Variants in NEGR1 observed in about 807,000 individuals in gnomAD.
The protein encoded by NEGR1 is neuronal growth regulator 1.
NEGR1 carries 10 observed loss-of-function variants against 40.9 expected under a neutral mutation model. The ratio of observed to expected loss-of-function variants is 0.24; its 90% CI spans 0.15 to 0.42. The LOEUF (loss-of-function observed/expected upper bound fraction) is 0.42, where lower values mean the gene tolerates loss of function less well. NEGR1 is among the 10% of genes least tolerant of loss of function. NEGR1 has a pLI of 1.00. For synonymous variants in NEGR1, 185 were observed against 166.8 expected, an observed-to-expected ratio of 1.11 and a Z score of -0.84; for missense variants, 352 against 438.9, an observed-to-expected ratio of 0.80 and a Z score of 1.77.
chr1:71,795,309 A>C (rs547288585), intron 2 of NEGR1, among the ~76,000 whole-genome samples: 1 of 152,124 alleles, frequency 6.6e-6, no homozygotes, highest in Non-Finnish European at 1.5e-5. Context: ...CTCCCAGATT[A>C]ACTAAATAAA....
intron 1 of NEGR1, among the ~76,000 whole-genome samples, chr1:72,248,575 T>TTTTTTATTATTATTATTA (rs376504975): frequency 7.5e-6 from 1 of 132,962 alleles, no homozygotes; most frequent in Non-Finnish European, 1.6e-5. Flanking sequence ...TCTATTTTTA[T>TTTTTTATTATTATTATTA]TTATTATTAT....
intron 2 of NEGR1, among the ~76,000 whole-genome samples, chr1:71,840,561 A>C (rs769213185): frequency 2.6e-5 from 4 of 152,052 alleles, no homozygotes; most frequent in Non-Finnish European, 4.4e-5. Flanking sequence ...TCTTAGCTTA[A>C]TTTTTATTTT....
At chr1:71,695,785 T>C (rs1653456641) in intron 4 of NEGR1, among the ~76,000 whole-genome samples, 1 of 151,862 alleles carries the variant, frequency 6.6e-6, no homozygotes, top group Non-Finnish European at 1.5e-5. Context: ...AAGAAAGAAG[T>C]AGTTCTCCCT....
At chr1:72,254,091 C>T (rs937071172) in intron 1 of NEGR1, among the ~76,000 whole-genome samples, 1 of 152,200 alleles carries the variant, frequency 6.6e-6, no homozygotes, top group Non-Finnish European at 1.5e-5. Flanking sequence ...AAATTCTATA[C>T]ATAACCCAAG....
At chr1:71,612,199 G>A (rs1413165265) in intron 4 of NEGR1, among the ~76,000 whole-genome samples, 1 of 152,192 alleles carries the variant, frequency 6.6e-6, no homozygotes, top group East Asian at 1.9e-4. Context: ...TCCAGCCTGG[G>A]CGACACAGCA....
intron 4 of NEGR1, among the ~76,000 whole-genome samples, chr1:71,631,050 T>A (rs1038932099): frequency 2.6e-5 from 4 of 151,942 alleles, no homozygotes; most frequent in African/African-American, 9.7e-5. Context: ...GCATTCACTG[T>A]TGGTAACTTT....
At chr1:71,752,218 T>A (rs577897368) in intron 3 of NEGR1, among the ~76,000 whole-genome samples, 1 of 152,312 alleles carries the variant, frequency 6.6e-6, no homozygotes, top group Admixed American at 6.5e-5. Flanking sequence ...TAAGCTTTTT[T>A]TGTAAAATAC....
At chr1:71,724,469 T>A (rs1013966550) in intron 3 of NEGR1, among the ~76,000 whole-genome samples, 1 of 152,200 alleles carries the variant, frequency 6.6e-6, no homozygotes, top group African/African-American at 2.4e-5. Context: ...AATTGATTTA[T>A]TTCCTCTTTT....
chr1:71,843,359 T>A (rs973247848), intron 2 of NEGR1, among the ~76,000 whole-genome samples: 1 of 152,144 alleles, frequency 6.6e-6, no homozygotes, highest in African/African-American at 2.4e-5. Context: ...TTGAAGTATA[T>A]CTGGGTCAAT....
At chr1:71,803,021 G>A (rs1170760570) in intron 2 of NEGR1, among the ~76,000 whole-genome samples, 3 of 152,122 alleles carry the variant, frequency 2.0e-5, no homozygotes, top group Non-Finnish European at 2.9e-5. Context: ...TTGGGGAAAT[G>A]GGGCAGAGGT....
At chr1:71,753,868 T>A (rs1655647569) in intron 3 of NEGR1, among the ~76,000 whole-genome samples, 1 of 151,850 alleles carries the variant, frequency 6.6e-6, no homozygotes, top group Non-Finnish European at 1.5e-5. Context: ...GGAAGAGAAA[T>A]GCTGACTTTT....
intron 6 of NEGR1, among the ~76,000 whole-genome samples, chr1:71,502,889 A>T (rs539085927): frequency 1.3e-5 from 2 of 152,190 alleles, no homozygotes; most frequent in Non-Finnish European, 2.9e-5. Context: ...CGCAAGGGAA[A>T]TGGCCAGAGA....
rs181760127 is a variant in NEGR1 at position 71,551,270 on chromosome 1, C to G, written c.940+41547G>C. On this transcript the variant is annotated intron_variant, in intron 6 of 6. Transcript: ENST00000357731. ...TCAAACATACTTTAGTTTTGGGGTACGTACTTTCAATCATAATTTCTCTTA... is the reference window on the plus strand; with the variant it reads ...TCAAACATACTTTAGTTTTGGGGTAGGTACTTTCAATCATAATTTCTCTTA... Among the ~76,000 whole-genome samples, 4 of 151,446 alleles carry G rather than the reference C, an allele frequency of 2.6e-5. No homozygotes were observed. The East Asian group carries it at 7.8e-4, about 30-fold the overall frequency.
Position 71,589,532 on chromosome 1 carries a change from T to TC in NEGR1, c.940+3284_940+3285insG, listed in dbSNP as rs376728589. 4.6e-3 allele frequency among the ~76,000 whole-genome samples: 699 copies of TC among 152,256 alleles called. 3 individuals are homozygous for TC. Among genetic ancestry groups the TC allele is most frequent in the African/African-American group, 0.015 (635 of 41,572 alleles). On this transcript the variant is annotated intron_variant, in intron 6 of 6. Transcript: ENST00000357731. The stretch of plus-strand genomic sequence containing the variant: ...TATCTAGAAATGACCTAATTTTTTC[T>TC]TTTAATTTCTACCTCCTTTTAAAAT...
At chr1:71,744,442 C>A (rs1005372959) in intron 3 of NEGR1, among the ~76,000 whole-genome samples, 2 of 151,446 alleles carry the variant, frequency 1.3e-5, no homozygotes, top group African/African-American at 4.8e-5. Flanking sequence ...CTGTCTATAT[C>A]CACATATACC....
chr1:71,601,012 G>A (rs1649901009), intron 5 of NEGR1, among the ~76,000 whole-genome samples: 1 of 152,078 alleles, frequency 6.6e-6, no homozygotes, highest in South Asian at 2.1e-4. Flanking sequence ...TTGTCTAGAT[G>A]GAAAACATAG....
chr1:71,845,678 T>G (rs945864885), intron 2 of NEGR1, among the ~76,000 whole-genome samples: 2 of 152,144 alleles, frequency 1.3e-5, no homozygotes, highest in African/African-American at 4.8e-5. Context: ...AGAGAGTAAG[T>G]TGATCCAATT....
intron 1 of NEGR1, among the ~76,000 whole-genome samples, chr1:72,059,672 T>A (rs1236000735): frequency 6.6e-6 from 1 of 151,648 alleles, no homozygotes; most frequent in Admixed American, 6.6e-5. Context: ...AAACAGTAAT[T>A]TCCTCTATTT....
chr1:72,054,563 G>A (rs991540133), intron 1 of NEGR1, among the ~76,000 whole-genome samples: 3 of 151,164 alleles, frequency 2.0e-5, no homozygotes, highest in Admixed American at 6.6e-5. Flanking sequence ...ACTCTGGTTA[G>A]CAATAGATAT....
Sources: gnomAD v4.1 joint callset for allele counts (sites outside exome capture counted in the v4.1 genomes callset) on GRCh38, gnomAD v4.1.1 for gene constraint, MANE v1.5 for transcripts, NCBI Gene and HGNC (gene_info 2026-07-23, HGNC 2026-07-21) for gene names.